CCDC85C: variants seen among roughly 807,000 people sequenced by gnomAD.
CCDC85C encodes the protein coiled-coil domain containing 85C, also known as coiled-coil domain-containing protein 85C.
CCDC85C carries 18 observed loss-of-function variants against 38.3 expected under a neutral mutation model. The ratio of observed to expected loss-of-function variants is 0.47; its 90% CI spans 0.33 to 0.70. CCDC85C has a LOEUF of 0.70. Among genes scored for constraint, CCDC85C ranks in the 30% least tolerant of loss-of-function variants. The pLI is 0.03. For synonymous variants in CCDC85C, 264 were observed against 293.8 expected (o/e 0.90, Z 1.04); for missense variants, 566 against 621.2 (o/e 0.91, Z 0.94).
rs1897010133 is a variant in CCDC85C, at chr14:99,507,718, G to A, written c.*7528C>T. On this transcript the variant is annotated 3_prime_UTR_variant, in exon 6 of 6. Transcript: ENST00000380243. ...GCCAAACCCCGCCTTCTGAGATAGAGGCAGGGTTACTGTGGCTACTAGGCT... is the reference window on the plus strand; with the variant it reads ...GCCAAACCCCGCCTTCTGAGATAGAAGCAGGGTTACTGTGGCTACTAGGCT... 2 of 154,278 alleles carry A rather than the reference G, an allele frequency of 1.3e-5. No homozygotes were observed. Among genetic ancestry groups the A allele is most frequent in the Non-Finnish European group, 2.9e-5 (2 of 69,420 alleles). 9.6% of individuals were successfully genotyped at this position (154,278 alleles called of 1,614,324 possible). A position where few individuals can be genotyped will look rare whatever the true frequency, so the allele number is the denominator to read the frequency against.
rs557453059 is a variant in CCDC85C, at chr14:99,522,614, C to T, written c.868-374G>A. On this transcript the variant is annotated intron_variant, in intron 2 of 5. Coordinates refer to ENST00000380243, the MANE Select transcript of CCDC85C (RefSeq NM_001144995.2). The stretch of plus-strand genomic sequence containing the variant: ...TCCTGCCCTTGGGTCCCTGCACAGA[C>T]GGCACCACTCACAGGGCCTGGGCCA... The T allele has an allele frequency of 4.1e-5, 7 of 171,018 alleles. No individual in the cohort carries two copies. The South Asian group carries it at 4.3e-4, about 10-fold the overall frequency. The allele number at this position is 171,018 out of a possible 1,614,324, so 10.6% of individuals were successfully genotyped here.
intron 1 of CCDC85C, among the ~76,000 whole-genome samples, chr14:99,580,492 G>T (rs929521527): frequency 5.2e-5 from 7 of 133,758 alleles, no homozygotes; most frequent in African/African-American, 1.9e-4. Context: ...AGGGGGCGGG[G>T]ATGGGGGGAA....
chr14:99,593,983 G>A (rs2055116784), intron 1 of CCDC85C, among the ~76,000 whole-genome samples: 1 of 113,114 alleles, frequency 8.8e-6, no homozygotes, highest in African/African-American at 3.4e-5. Flanking sequence ...GTGGGGTTGT[G>A]TAAATCACCA....
At position 99,503,331 on chromosome 14, in the gene CCDC85C, C is replaced by T. The variant is rs1377962363; in HGVS notation, c.*11915G>A. 1 of 602,266 alleles carries T rather than the reference C, an allele frequency of 1.7e-6. No homozygotes were observed. The highest frequency in any genetic ancestry group is 2.8e-5 in the East Asian group (1 of 36,134). 37.3% of individuals were successfully genotyped at this position (602,266 alleles called of 1,614,324 possible). A position where few individuals can be genotyped will look rare whatever the true frequency, so the allele number is the denominator to read the frequency against. On this transcript the variant is annotated 3_prime_UTR_variant, in exon 6 of 6. Transcript: ENST00000380243. ...CTGACCCCAAACAGTGGACCGTTTC[C>T]TGCACCCAAGTGGTCCTGAAACTTA...
chr14:99,536,069 G>C lies in CCDC85C; in HGVS notation c.813C>G (p.Ile271Met). ...GCCTCACTTTGCTCTCCAGTTGCCT[G>C]ATGTAGGTGGATGAGGGATCTGGAA... ...NGLHDPSSTY[I>M]RQLESKVRLL... The change falls in exon 2 of 6, where the codon ATC becomes ATG. Residue 271 changes from isoleucine to methionine, a missense_variant. Around this residue, in one of 3 missense-constraint regions of CCDC85C, gnomAD observed 286 missense variants for 276.4 expected, o/e 1.03. Coordinates refer to ENST00000380243, the MANE Select transcript of CCDC85C (RefSeq NM_001144995.2). 1 of 1,551,144 alleles carries C rather than the reference G, an allele frequency of 6.4e-7. No individual in the cohort carries two copies. Among genetic ancestry groups the C allele is most frequent in the Non-Finnish European group, 8.7e-7 (1 of 1,146,490 alleles).
Position 99,509,241 on chromosome 14 carries a change from G to C in CCDC85C, c.*6005C>G, listed in dbSNP as rs1200540350. ...ACCAGAAATGTTGCTCCTGTGGTCTGTCTCCTGGGCTGCCTTGGGAAAGGA... is the reference window on the plus strand; with the variant it reads ...ACCAGAAATGTTGCTCCTGTGGTCTCTCTCCTGGGCTGCCTTGGGAAAGGA... On this transcript the variant is annotated 3_prime_UTR_variant, in exon 6 of 6. Transcript: ENST00000380243. The C allele has an allele frequency of 1.3e-5, 2 of 152,294 alleles. No individual in the cohort carries two copies. The highest frequency in any genetic ancestry group is 3.8e-4 in the East Asian group (2 of 5,196). The allele number at this position is 152,294 out of a possible 1,614,324, so 9.4% of individuals were successfully genotyped here. A position where few individuals can be genotyped will look rare whatever the true frequency, so the allele number is the denominator to read the frequency against.
At chr14:99,592,540 T>C (rs778191569) in intron 1 of CCDC85C, among the ~76,000 whole-genome samples, 2 of 151,976 alleles carry the variant, frequency 1.3e-5, no homozygotes, top group Non-Finnish European at 2.9e-5. Flanking sequence ...ACCACCCCAT[T>C]CTGGAAGACA....
intron 2 of CCDC85C, among the ~76,000 whole-genome samples, chr14:99,531,110 G>T (rs1897483718): frequency 6.6e-6 from 1 of 152,152 alleles, no homozygotes. Flanking sequence ...CAGCCCTTTG[G>T]TACGTGGCAG....
intron 3 of CCDC85C, 88 bp from the exon 4 acceptor site, chr14:99,517,271 G>A: frequency 9.6e-7 from 1 of 1,045,530 alleles, no homozygotes; most frequent in African/African-American, 1.6e-5. Context: ...CATTCTGAGG[G>A]GCCAGGGCCC....
At position 99,502,235 on chromosome 14, in the gene CCDC85C, G is replaced by A; in HGVS notation, c.*13011C>T. On this transcript the variant is annotated 3_prime_UTR_variant, in exon 6 of 6. Coordinates refer to ENST00000380243, the MANE Select transcript of CCDC85C (RefSeq NM_001144995.2). ...CTGCACCACCTTGTCACTGCAGTGG[G>A]AACCAGAGATCATAGCAGTAGCAGT... 1 of 1,600,986 alleles carries A rather than the reference G, an allele frequency of 6.2e-7. No individual in the cohort carries two copies. The highest frequency in any genetic ancestry group is 8.5e-7 in the Non-Finnish European group (1 of 1,173,282).
chr14:99,533,215 G>A lies in CCDC85C; in HGVS notation c.867+2800C>T, dbSNP rs776299359. ...CGGGGCCAAGGCCCCAGCAGCATAC[G>A]GCTGCCTCCTTTCAGGGTACTGGGT... On this transcript the variant is annotated intron_variant, in intron 2 of 5. Coordinates refer to ENST00000380243, the MANE Select transcript of CCDC85C (RefSeq NM_001144995.2). This position sits in a 1 kb window ranked among gnomAD's most constrained non-coding sequence, Gnocchi z 4.2. Among the ~76,000 whole-genome samples, 35 of 152,172 alleles carry A rather than the reference G, an allele frequency of 2.3e-4. No homozygotes were observed. The highest frequency in any genetic ancestry group is 3.7e-4 in the Non-Finnish European group (25 of 68,030).
intron 1 of CCDC85C, among the ~76,000 whole-genome samples, chr14:99,540,125 C>T (rs551940742): frequency 2.0e-5 from 3 of 150,988 alleles, no homozygotes; most frequent in East Asian, 2.0e-4. Flanking sequence ...TCCAGATGGG[C>T]GACAGAGCGA....
intron 1 of CCDC85C, among the ~76,000 whole-genome samples, chr14:99,583,807 T>TAAA (rs34283477): frequency 8.7e-6 from 1 of 115,146 alleles, no homozygotes; most frequent in Non-Finnish European, 1.8e-5. Flanking sequence ...GGCTCTGTCT[T>TAAA]AAAAAAAAAA....
intron 1 of CCDC85C, among the ~76,000 whole-genome samples, chr14:99,537,371 G>A (rs1897624374): frequency 6.6e-6 from 1 of 152,098 alleles, no homozygotes; most frequent in Non-Finnish European, 1.5e-5. Flanking sequence ...CAGGGGCTTG[G>A]GTGCTACTGG....
Position 99,500,709 on chromosome 14 carries a change from T to G in CCDC85C, c.*14537A>C. The G allele has an allele frequency of 9.0e-7, 1 of 1,116,972 alleles. No individual in the cohort carries two copies. Among genetic ancestry groups the G allele is most frequent in the Non-Finnish European group, 1.3e-6 (1 of 752,692 alleles). 69.2% of individuals were successfully genotyped at this position (1,116,972 alleles called of 1,614,324 possible). A position where few individuals can be genotyped will look rare whatever the true frequency, so the allele number is the denominator to read the frequency against. ...TAGACAGGAAAGCTCACTTTTGTAATGCTGCTTGAGACCTGCAATTGTAAT... is the reference window on the plus strand; with the variant it reads ...TAGACAGGAAAGCTCACTTTTGTAAGGCTGCTTGAGACCTGCAATTGTAAT... On this transcript the variant is annotated 3_prime_UTR_variant, in exon 6 of 6. Transcript: ENST00000380243.
Position 99,603,167 on chromosome 14 carries a change from C to A in CCDC85C, c.793G>T (p.Asp265Tyr). Residue 265 changes from aspartate to tyrosine, a missense_variant and splice_region_variant, in exon 1 of 6, where the codon GAT becomes TAT. By Grantham distance (160) the Asp-to-Tyr change is radical. This residue lies in a region of CCDC85C where 286 missense variants were observed against 276.4 expected (regional missense o/e 1.03). Coordinates refer to ENST00000380243, the MANE Select transcript of CCDC85C (RefSeq NM_001144995.2). The surrounding 1 kb of genome is among the most constrained non-coding windows in gnomAD (Gnocchi z 7.5). ...GCTGCCCGGCCCGTGTAGTCCTTAC[C>A]GTGCAGGCCGTTGGGGATGCTGCGG... ...HHRSIPNGLH[D>Y]PSSTYIRQLE... The A allele has an allele frequency of 1.5e-6, 2 of 1,377,406 alleles. No individual in the cohort carries two copies. The highest frequency in any genetic ancestry group is 1.7e-5 in the South Asian group (1 of 60,544). The allele number at this position is 1,377,406 out of a possible 1,614,324, so 85.3% of individuals were successfully genotyped here.
chr14:99,560,797 T>C (rs1435077245), intron 1 of CCDC85C, among the ~76,000 whole-genome samples: 1 of 152,180 alleles, frequency 6.6e-6, no homozygotes, highest in Non-Finnish European at 1.5e-5. Context: ...AGCAGGTTTG[T>C]TCATCAACAG....
In CCDC85C at chr14:99,502,606, A is replaced by G; in HGVS notation, c.*12640T>C. 1 of 1,235,956 alleles carries G rather than the reference A, an allele frequency of 8.1e-7. No individual in the cohort carries two copies. Among genetic ancestry groups the G allele is most frequent in the Non-Finnish European group, 1.1e-6 (1 of 879,892 alleles). 76.6% of individuals were successfully genotyped at this position (1,235,956 alleles called of 1,614,324 possible). On this transcript the variant is annotated 3_prime_UTR_variant, in exon 6 of 6. Coordinates refer to ENST00000380243, the MANE Select transcript of CCDC85C (RefSeq NM_001144995.2). Reference sequence around the variant, plus strand: ...CACAACGAAGATGGGGTGAGTTGTAAATGTGATTCATGCTTAGGTCCTCGT... The same window carrying G: ...CACAACGAAGATGGGGTGAGTTGTAGATGTGATTCATGCTTAGGTCCTCGT...
At chr14:99,567,446 A>G (rs1898238394) in intron 1 of CCDC85C, among the ~76,000 whole-genome samples, 1 of 152,160 alleles carries the variant, frequency 6.6e-6, no homozygotes, top group African/African-American at 2.4e-5. Flanking sequence ...AGTTTCCTAA[A>G]GAGCTTGGTA....
Sources: allele counts gnomAD v4.1 joint callset (sites outside exome capture counted in the v4.1 genomes callset), GRCh38; gene constraint gnomAD v4.1.1; regional missense constraint gnomAD v4.1.1; non-coding constraint Gnocchi (gnomAD v3.1); transcripts MANE v1.5; gene names NCBI Gene and HGNC (gene_info 2026-07-23, HGNC 2026-07-21).